RANBP2: variants seen among roughly 807,000 people sequenced by gnomAD.
RANBP2 encodes the protein RAN binding protein 2.
RANBP2 carries 57 observed loss-of-function variants against 303.6 expected under a neutral mutation model. The observed-to-expected ratio is 0.19, with a 90% CI of 0.15 to 0.23. The LOEUF is 0.23. Among genes scored for constraint, RANBP2 ranks in the 10% least tolerant of loss-of-function variants. The pLI, the probability that RANBP2 is intolerant of heterozygous loss-of-function variation, is 1.00. For synonymous variants in RANBP2, 1,167 were observed against 1,301.5 expected, an observed-to-expected ratio of 0.90 and a Z score of 2.23; for missense variants, 3,138 against 3,780.8, an observed-to-expected ratio of 0.83 and a Z score of 4.46.
chr2:109,046,832 A>G, the RANBP2 span, among the ~76,000 whole-genome samples: 1 of 152,018 alleles, frequency 6.6e-6, no homozygotes, highest in African/African-American at 2.4e-5. Context: ...CTTAGGAGCC[A>G]AGGTCCTGAG....
chr2:109,265,549 C>A, the RANBP2 span, among the ~76,000 whole-genome samples: 1 of 152,182 alleles, frequency 6.6e-6, no homozygotes, highest in Admixed American at 6.5e-5. Context: ...TCCCTGCAAG[C>A]CCAGGTCTCC....
chr2:109,495,546 C>T, the RANBP2 span, among the ~76,000 whole-genome samples: 914 of 128,736 alleles, frequency 7.1e-3, 12 homozygotes, highest in African/African-American at 0.026. Flanking sequence ...GAGTGTGCAG[C>T]GGTGCAATCT....
At chr2:108,989,930 T>C in the RANBP2 span, among the ~76,000 whole-genome samples, 11 of 152,214 alleles carry the variant, frequency 7.2e-5, no homozygotes, top group Admixed American at 1.3e-4. Flanking sequence ...GATTTCTGTG[T>C]TCTCCTTTTC....
At chr2:108,970,247 T>C in the RANBP2 span, among the ~76,000 whole-genome samples, 1 of 152,036 alleles carries the variant, frequency 6.6e-6, no homozygotes, top group African/African-American at 2.4e-5. Context: ...GAACCCCAGG[T>C]GGTACGCATT....
the RANBP2 span, among the ~76,000 whole-genome samples, chr2:109,410,763 T>A: frequency 6.6e-6 from 1 of 152,198 alleles, no homozygotes; most frequent in Non-Finnish European, 1.5e-5. Flanking sequence ...CGTACTTTAT[T>A]ATAGTCAGAG....
chr2:109,215,344 G>A, the RANBP2 span, among the ~76,000 whole-genome samples: 2 of 152,178 alleles, frequency 1.3e-5, no homozygotes, highest in African/African-American at 4.8e-5. Flanking sequence ...CAGGAGAGTT[G>A]ATTTAACACC....
chr2:109,653,255 C>T, the RANBP2 span, among the ~76,000 whole-genome samples: 3 of 151,966 alleles, frequency 2.0e-5, no homozygotes, highest in African/African-American at 4.8e-5. Flanking sequence ...ATTAGCTGGC[C>T]GTGGTGGTGG....
At chr2:109,305,783 A>AGTTTT in the RANBP2 span, among the ~76,000 whole-genome samples, 2 of 152,138 alleles carry the variant, frequency 1.3e-5, no homozygotes, top group African/African-American at 4.8e-5. Flanking sequence ...ATGCCACAAA[A>AGTTTT]CTTGCTGGAG....
chr2:109,553,124 T>G, the RANBP2 span: 1 of 1,613,706 alleles, frequency 6.2e-7, no homozygotes, highest in Non-Finnish European at 8.5e-7. Flanking sequence ...TTCTTTCTCC[T>G]TTACTCGCTG....
At chr2:109,191,774 A>G in the RANBP2 span, among the ~76,000 whole-genome samples, 1 of 152,218 alleles carries the variant, frequency 6.6e-6, no homozygotes, top group Non-Finnish European at 1.5e-5. Flanking sequence ...GATCACAGTC[A>G]CAGTCACCTG....
At chr2:108,873,208 A>C in the RANBP2 span, among the ~76,000 whole-genome samples, 1 of 152,210 alleles carries the variant, frequency 6.6e-6, no homozygotes, top group African/African-American at 2.4e-5. Flanking sequence ...GATTTCTTCT[A>C]GATTTTGCCT....
the RANBP2 span, among the ~76,000 whole-genome samples, chr2:109,534,545 C>A: frequency 6.6e-6 from 1 of 152,112 alleles, no homozygotes; most frequent in Non-Finnish European, 1.5e-5. Context: ...TTTGGGAGGC[C>A]GAGGTGAGTG....
chr2:109,613,191 C>G, the RANBP2 span: 1 of 1,288,144 alleles, frequency 7.8e-7, no homozygotes, highest in African/African-American at 1.5e-5. Flanking sequence ...TGGAAAACCG[C>G]TGGCTTACTA....
the RANBP2 span, among the ~76,000 whole-genome samples, chr2:109,460,405 G>T: frequency 6.6e-6 from 1 of 152,310 alleles, no homozygotes; most frequent in East Asian, 1.9e-4. Context: ...GTTCTCTGCT[G>T]CTGGTGGATT....
the RANBP2 span, among the ~76,000 whole-genome samples, chr2:109,132,541 G>A: frequency 6.6e-6 from 1 of 152,166 alleles, no homozygotes; most frequent in African/African-American, 2.4e-5. Flanking sequence ...AGTTAACGAT[G>A]CTGCCCCTGG....
At chr2:109,431,716 A>G in the RANBP2 span, among the ~76,000 whole-genome samples, 1 of 152,180 alleles carries the variant, frequency 6.6e-6, no homozygotes, top group Non-Finnish European at 1.5e-5. Flanking sequence ...TACAAAAAAT[A>G]AAAAACTTAG....
the RANBP2 span, among the ~76,000 whole-genome samples, chr2:108,916,019 A>T: frequency 6.6e-6 from 1 of 152,200 alleles, no homozygotes; most frequent in Non-Finnish European, 1.5e-5. Flanking sequence ...ACCTTACTGA[A>T]GTTGCTCTGG....
chr2:108,858,582 G>A, the RANBP2 span, among the ~76,000 whole-genome samples: 15 of 152,254 alleles, frequency 9.9e-5, no homozygotes, highest in African/African-American at 3.1e-4. Context: ...TTATTAGAGC[G>A]AGGAAAGATT....
the RANBP2 span, among the ~76,000 whole-genome samples, chr2:109,554,454 C>T: frequency 6.6e-6 from 1 of 152,100 alleles, no homozygotes; most frequent in Non-Finnish European, 1.5e-5. Flanking sequence ...TGGAGCCTAT[C>T]CTGGAAGCTA....
Sources: allele counts gnomAD v4.1 joint callset (sites outside exome capture counted in the v4.1 genomes callset), GRCh38; gene constraint gnomAD v4.1.1; transcripts MANE v1.5; gene names NCBI Gene and HGNC (gene_info 2026-07-23, HGNC 2026-07-21).